SGSM3: variants seen among roughly 807,000 people sequenced by gnomAD.
SGSM3 encodes the protein RUN and SH3 containing 3.
In SGSM3, 96 loss-of-function variants were observed where a neutral mutation model predicts 100.5. The ratio of observed to expected loss-of-function variants is 0.96; its 90% CI spans 0.81 to 1.13. SGSM3 has a LOEUF of 1.13. Among genes scored for constraint, SGSM3 ranks in the 50% most tolerant of loss-of-function variants. The pLI is 0.00. For missense variants in SGSM3, 1,001 were observed against 1,015.8 expected, an observed-to-expected ratio of 0.99 and a Z score of 0.20; for synonymous variants, 483 against 422.8, an observed-to-expected ratio of 1.14 and a Z score of -1.75.
intron 1 of SGSM3, among the ~76,000 whole-genome samples, chr22:40,382,403 C>T (rs188446111): frequency 3.4e-4 from 51 of 152,164 alleles, no homozygotes; most frequent in Admixed American, 2.2e-3. Context: ...GGAGTCATGT[C>T]TAAAGTTTCC....
rs2051565552 is a variant in SGSM3 at position 40,406,618 on chromosome 22, C to T, written c.1141C>T (p.Gln381Ter). The change falls in exon 10 of 22, where the codon CAG becomes TAG. Residue 381 changes from glutamine (Q) to a stop codon, truncating the protein, a stop_gained. Transcript: ENST00000248929. LOFTEE classifies it high-confidence loss of function. ...GCACCTGGCCTATCTCATTGCAGAC[C>T]AGGGCCAGCTCCTGGGGGCCGGCAC... is the stretch of plus-strand genomic sequence containing the variant. ...RKHLAYLIAD[Q>*]GQLLGAGTLT... The T allele has an allele frequency of 6.2e-7, 1 of 1,609,710 alleles. No individual in the cohort carries two copies.
chr22:40,409,631 T>C, intron 21 of SGSM3, 51 bp from the exon 22 acceptor site: 2 of 1,613,350 alleles, frequency 1.2e-6, no homozygotes, highest in Non-Finnish European at 1.7e-6. Context: ...GGTTAGGAAC[T>C]ACCCCAGCCA....
At chr22:40,404,533 G>A (rs1478430789) in intron 5 of SGSM3, 24 bp from the exon 6 acceptor site, 16 of 1,610,910 alleles carry the variant, frequency 9.9e-6, no homozygotes, top group East Asian at 2.2e-5. Flanking sequence ...AAGACTGAGT[G>A]CCCTTGCGGC....
intron 2 of SGSM3, 45 bp downstream of exon 2, chr22:40,400,858 C>G (rs771607549): frequency 4.0e-6 from 6 of 1,496,918 alleles, no homozygotes; most frequent in East Asian, 2.6e-5. Flanking sequence ...GAAGCTCTCA[C>G]AGAGGAGCCA....
chr22:40,393,193 T>G (rs931506283), intron 1 of SGSM3, among the ~76,000 whole-genome samples: 3 of 152,252 alleles, frequency 2.0e-5, no homozygotes, highest in Non-Finnish European at 4.4e-5. Flanking sequence ...CGTGGCTCAC[T>G]GCAACCTCCG....
intron 1 of SGSM3, among the ~76,000 whole-genome samples, chr22:40,381,608 C>T (rs1261791940): frequency 6.6e-6 from 1 of 152,024 alleles, no homozygotes; most frequent in African/African-American, 2.4e-5. Flanking sequence ...GCATGAGAGC[C>T]CTTTATTACT....
At position 40,410,068 on chromosome 22, in the gene SGSM3, C is replaced by T; in HGVS notation, c.*309C>T. The stretch of plus-strand genomic sequence containing the variant: ...ATGGGGGTGGCTAGTAGGCTCCTGG[C>T]CTCTTTGGTTTATAAATAAACTGTG... On this transcript the variant is annotated 3_prime_UTR_variant, in exon 22 of 22. Coordinates refer to ENST00000248929, the MANE Select transcript of SGSM3 (RefSeq NM_015705.6). 2.4e-6 allele frequency: 3 copies of T among 1,261,154 alleles called. No homozygotes were observed. The highest frequency in any genetic ancestry group is 3.0e-6 in the Non-Finnish European group (3 of 1,002,854). The allele number at this position is 1,261,154 out of a possible 1,614,324, so 78.1% of individuals were successfully genotyped here.
chr22:40,388,712 G>A (rs897225896), intron 1 of SGSM3, among the ~76,000 whole-genome samples: 13 of 152,138 alleles, frequency 8.5e-5, no homozygotes, highest in Admixed American at 5.2e-4. Flanking sequence ...GGTGAAAAGC[G>A]ACGGCAGCCT....
At position 40,407,535 on chromosome 22, in the gene SGSM3, C is replaced by T. The variant is rs764642674; in HGVS notation, c.1491C>T (p.Asp497=). 2.2e-5 allele frequency: 35 copies of T among 1,606,064 alleles called. No individual in the cohort carries two copies. Among genetic ancestry groups the T allele is most frequent in the Middle Eastern group, 1.7e-4 (1 of 6,058 alleles). The change falls in exon 13 of 22, where the codon GAC becomes GAT. Residue 497 remains aspartate, a synonymous_variant. Transcript: ENST00000248929. The surrounding 1 kb of genome is among the most constrained non-coding windows in gnomAD (Gnocchi z 4.7). ...TGGACTTTGAGCGGCACGACGACGA[C>T]GAGCTGGGCTTCCGCAAGAACGACA... is the stretch of plus-strand genomic sequence containing the variant. ...ALLDFERHDD[D]ELGFRKNDII...
At chr22:40,375,338 G>A (rs554316473) in intron 1 of SGSM3, among the ~76,000 whole-genome samples, 109 of 152,176 alleles carry the variant, frequency 7.2e-4, no homozygotes, top group Non-Finnish European at 1.5e-3. Context: ...CCAGTGCTTT[G>A]GGAGGCCGAG....
chr22:40,407,872 GGA>G lies in SGSM3; in HGVS notation c.1579+33_1579+34del. On this transcript the variant is annotated intron_variant, in intron 14 of 21. Coordinates refer to ENST00000248929, the MANE Select transcript of SGSM3 (RefSeq NM_015705.6). This position sits in a 1 kb window ranked among gnomAD's most constrained non-coding sequence, Gnocchi z 4.7. Reference sequence around the variant, plus strand: ...GGGTCCTTGGTCTGCTCTTGAGCTGGGAGAGGGAGGAGGGGGTGGGCACAGAA... The same window carrying G: ...GGGTCCTTGGTCTGCTCTTGAGCTGGGAGGGAGGAGGGGGTGGGCACAGAA... The G allele has an allele frequency of 6.3e-7, 1 of 1,592,768 alleles. No homozygotes were observed. The highest frequency in any genetic ancestry group is 8.6e-7 in the Non-Finnish European group (1 of 1,167,614).
chr22:40,395,360 C>T (rs993866144), intron 1 of SGSM3, among the ~76,000 whole-genome samples: 6 of 151,132 alleles, frequency 4.0e-5, no homozygotes, highest in African/African-American at 1.5e-4. Flanking sequence ...CTCACTCTGT[C>T]GCCCAGGCTG....
chr22:40,400,751 A>C lies in SGSM3; in HGVS notation c.-56A>C. On this transcript the variant is annotated 5_prime_UTR_variant, in exon 2 of 22. Transcript: ENST00000248929. ...AGGAGCCTTCCAGCTCTAAGATAGC[A>C]GGATAGGAGACTTCTAAGATTGGAG... The C allele has an allele frequency of 1.3e-6, 2 of 1,534,302 alleles. No homozygotes were observed. Among genetic ancestry groups the C allele is most frequent in the South Asian group, 2.4e-5 (2 of 83,712 alleles).
At chr22:40,390,163 C>T (rs949679540) in intron 1 of SGSM3, 4 of 152,148 alleles carry the variant, frequency 2.6e-5, no homozygotes, top group Non-Finnish European at 5.9e-5. Context: ...GTGGGGCACC[C>T]TAATGTCTCT....
At chr22:40,392,211 G>T (rs550235343) in intron 1 of SGSM3, among the ~76,000 whole-genome samples, 21 of 151,386 alleles carry the variant, frequency 1.4e-4, no homozygotes, top group Admixed American at 9.9e-4. Flanking sequence ...TCAAAGTATT[G>T]TCAGTTTTTT....
At position 40,409,236 on chromosome 22, in the gene SGSM3, G is replaced by T; in HGVS notation, c.1989-14G>T. 1 of 1,594,066 alleles carries T rather than the reference G, an allele frequency of 6.3e-7. No homozygotes were observed. ...GGAGCTGCCCCTGCTCCCCACTCCTGGCCATGTCCCCAGTGAGCAGGTGCT... is the reference window on the plus strand; with the variant it reads ...GGAGCTGCCCCTGCTCCCCACTCCTTGCCATGTCCCCAGTGAGCAGGTGCT... On this transcript the variant is annotated splice_polypyrimidine_tract_variant and intron_variant, in intron 19 of 21. Transcript: ENST00000248929.
At chr22:40,381,250 C>T (rs1284532356) in intron 1 of SGSM3, among the ~76,000 whole-genome samples, 1 of 152,026 alleles carries the variant, frequency 6.6e-6, no homozygotes, top group East Asian at 1.9e-4. Flanking sequence ...AGGGCTCAGG[C>T]AGTCCTCCCA....
At chr22:40,378,312 A>G (rs781393541) in intron 1 of SGSM3, 1 of 152,310 alleles carries the variant, frequency 6.6e-6, no homozygotes, top group Non-Finnish European at 1.5e-5. Context: ...GTGTGCCTGT[A>G]GTCCTAGCTA....
In SGSM3 at chr22:40,404,496, C is replaced by T. The variant is rs377648359; in HGVS notation, c.366+41C>T. 143 of 1,610,538 alleles carry T rather than the reference C, an allele frequency of 8.9e-5. No homozygotes were observed. The Middle Eastern group carries it at 1.2e-3, about 13-fold the overall frequency. Reference sequence around the variant, plus strand: ...GGACCCACAGGGTGTTGAGAGGGTCCTGGCCCCATGATCAGGTGTCACGAG... The same window carrying T: ...GGACCCACAGGGTGTTGAGAGGGTCTTGGCCCCATGATCAGGTGTCACGAG... On this transcript the variant is annotated intron_variant, in intron 5 of 21. Coordinates refer to ENST00000248929, the MANE Select transcript of SGSM3 (RefSeq NM_015705.6).
Sources: allele counts gnomAD v4.1 joint callset (sites outside exome capture counted in the v4.1 genomes callset), GRCh38; gene constraint gnomAD v4.1.1; non-coding constraint Gnocchi (gnomAD v3.1); transcripts MANE v1.5; gene names NCBI Gene and HGNC (gene_info 2026-07-23, HGNC 2026-07-21).